Variants in SAMD12 observed in about 807,000 individuals in gnomAD.
The protein encoded by SAMD12 is sterile alpha motif domain-containing protein 12.
A neutral mutation model predicts 15.0 loss-of-function variants in SAMD12; 9 were observed. The observed-to-expected ratio is 0.60, with a 90% CI of 0.36 to 1.05. The LOEUF is 1.05. Ranked by LOEUF, SAMD12 falls within the 50% of genes least tolerant of loss-of-function variation. The pLI, the probability that SAMD12 is intolerant of heterozygous loss-of-function variation, is 0.01. For missense variants in SAMD12, 230 were observed against 234.2 expected, an observed-to-expected ratio of 0.98 and a Z score of 0.12; for synonymous variants, 86 against 90.1, an observed-to-expected ratio of 0.96 and a Z score of 0.25.
At chr8:118,447,790 A>G (rs1356501718) in intron 2 of SAMD12, among the ~76,000 whole-genome samples, 1 of 150,936 alleles carries the variant, frequency 6.6e-6, no homozygotes, top group East Asian at 1.9e-4. Flanking sequence ...CAGTGGCGCC[A>G]TCTCGGCTCA....
intron 4 of SAMD12, among the ~76,000 whole-genome samples, chr8:118,325,219 T>A (rs1426940218): frequency 6.6e-6 from 1 of 152,204 alleles, no homozygotes; most frequent in Non-Finnish European, 1.5e-5. Context: ...GAGAATTGCC[T>A]CCTTACCCTA....
At chr8:118,218,163 A>G (rs1007385070) in intron 4 of SAMD12, among the ~76,000 whole-genome samples, 2 of 152,304 alleles carry the variant, frequency 1.3e-5, no homozygotes, top group African/African-American at 4.8e-5. Flanking sequence ...CTTATTATCA[A>G]GTTATTTATC....
rs571612052 is a variant in SAMD12, at chr8:118,458,593, T to C, written c.193-18632A>G. Among the ~76,000 whole-genome samples, 286 of 152,350 alleles carry C rather than the reference T, an allele frequency of 1.9e-3. 2 individuals are homozygous for C. Among genetic ancestry groups the C allele is most frequent in the Non-Finnish European group, 3.3e-3 (224 of 68,032 alleles). On this transcript the variant is annotated intron_variant, in intron 2 of 3. Transcript: ENST00000314727. ...AAAAGATTCCAAACTCATTTTCCAC[T>C]GATTCTCTGTTCCTCCATTACATTA...
the SAMD12 span, among the ~76,000 whole-genome samples, chr8:118,134,439 A>G: frequency 1.1e-3 from 162 of 152,356 alleles, 1 homozygote; most frequent in African/African-American, 3.5e-3. Flanking sequence ...AGTTTATAGG[A>G]GCAAGATTCT....
intron 4 of SAMD12, among the ~76,000 whole-genome samples, chr8:118,307,610 A>G (rs1488641353): frequency 6.6e-6 from 1 of 152,238 alleles, no homozygotes; most frequent in Non-Finnish European, 1.5e-5. Flanking sequence ...ATAAACCTGC[A>G]TAATTATTAT....
the SAMD12 span, among the ~76,000 whole-genome samples, chr8:118,169,332 TTTTAAGTTTTAGCACACTA>T: frequency 6.6e-5 from 10 of 152,200 alleles, no homozygotes; most frequent in Non-Finnish European, 1.2e-4. Flanking sequence ...TAGCATCATG[TTTTAAGTTTTAGCACACTA>T]TTTGTTCTCC....
At chr8:118,312,918 A>T (rs988965672) in intron 4 of SAMD12, among the ~76,000 whole-genome samples, 1 of 152,174 alleles carries the variant, frequency 6.6e-6, no homozygotes. Flanking sequence ...ACTTGGTATT[A>T]AATGAAATAA....
chr8:118,206,405 G>A (rs1819864181), intron 4 of SAMD12, among the ~76,000 whole-genome samples: 1 of 152,180 alleles, frequency 6.6e-6, no homozygotes. Flanking sequence ...ATACAGTGCA[G>A]TGATCCAAAT....
intron 4 of SAMD12, chr8:118,291,300 G>C (rs1362879560): frequency 6.6e-6 from 1 of 152,220 alleles, no homozygotes; most frequent in Non-Finnish European, 1.5e-5. Flanking sequence ...GCCTGCAGGA[G>C]AGGGAGAACT....
intron 4 of SAMD12, among the ~76,000 whole-genome samples, chr8:118,221,995 T>C (rs1225582841): frequency 6.6e-6 from 1 of 152,184 alleles, no homozygotes; most frequent in African/African-American, 2.4e-5. Flanking sequence ...CTACTGAATA[T>C]TCATGTGGGC....
chr8:118,287,188 T>A (rs1286038623), intron 4 of SAMD12, among the ~76,000 whole-genome samples: 1 of 151,162 alleles, frequency 6.6e-6, no homozygotes, highest in African/African-American at 2.4e-5. Context: ...ACAGTGGCTC[T>A]ATCTCGGCTC....
At chr8:118,289,750 A>G (rs1814259920) in intron 4 of SAMD12, among the ~76,000 whole-genome samples, 1 of 152,104 alleles carries the variant, frequency 6.6e-6, no homozygotes, top group Non-Finnish European at 1.5e-5. Flanking sequence ...ATTCTCCCTA[A>G]AGTTCTGAAA....
intron 3 of SAMD12, among the ~76,000 whole-genome samples, chr8:118,393,450 C>T (rs761643012): frequency 9.2e-5 from 14 of 151,822 alleles, no homozygotes; most frequent in African/African-American, 2.4e-4. Flanking sequence ...TTATGCTGCC[C>T]GGACTGATCT....
chr8:118,274,023 G>T (rs1055174506), intron 4 of SAMD12, among the ~76,000 whole-genome samples: 5 of 152,116 alleles, frequency 3.3e-5, no homozygotes, highest in African/African-American at 1.2e-4. Flanking sequence ...TGTTTATTTG[G>T]TGCTCACTAA....
chr8:118,188,755 G>T (rs1278449917), downstream of SAMD12, among the ~76,000 whole-genome samples: 2 of 151,640 alleles, frequency 1.3e-5, no homozygotes, highest in African/African-American at 4.9e-5. Flanking sequence ...TATATTTGGT[G>T]TATCATATTA....
the SAMD12 span, among the ~76,000 whole-genome samples, chr8:118,154,481 A>G: frequency 4.8e-3 from 726 of 152,356 alleles, 5 homozygotes; most frequent in African/African-American, 0.016. Flanking sequence ...ATCATAACGC[A>G]GATCTCACAA....
chr8:118,432,348 T>C (rs112615609), intron 3 of SAMD12, among the ~76,000 whole-genome samples: 21 of 152,272 alleles, frequency 1.4e-4, no homozygotes, highest in Middle Eastern at 3.4e-3. Context: ...TATTCAGTAA[T>C]AGGAACTTGG....
chr8:118,474,993 A>G (rs1229622651), intron 2 of SAMD12, among the ~76,000 whole-genome samples: 1 of 152,066 alleles, frequency 6.6e-6, no homozygotes, highest in Non-Finnish European at 1.5e-5. Context: ...AATCCCAGCA[A>G]TTTGGGAGGC....
chr8:118,570,018 A>G (rs1826964324), intron 2 of SAMD12, among the ~76,000 whole-genome samples: 1 of 152,194 alleles, frequency 6.6e-6, no homozygotes, highest in African/African-American at 2.4e-5. Context: ...AGAGAAAGAG[A>G]AGAAGCTGTT....
Sources: gnomAD v4.1 joint callset for allele counts (sites outside exome capture counted in the v4.1 genomes callset) on GRCh38, gnomAD v4.1.1 for gene constraint, MANE v1.5 for transcripts, NCBI Gene and HGNC (gene_info 2026-07-23, HGNC 2026-07-21) for gene names.